The following PXYLP1 variants were observed in gnomAD, a reference collection of about 807,000 sequenced individuals.
The protein encoded by PXYLP1 is 2-phosphoxylose phosphatase 1, also known as acid phosphatase-like 2.
Under a neutral mutation model 37.9 loss-of-function variants are expected in PXYLP1, and 17 were observed. That is an observed-to-expected ratio of 0.45 (90% CI 0.31 to 0.67). PXYLP1 has a LOEUF of 0.67. Ranked by LOEUF, PXYLP1 falls within the 30% of genes least tolerant of loss-of-function variation. The pLI, the probability that PXYLP1 is intolerant of heterozygous loss-of-function variation, is 0.07. For synonymous variants in PXYLP1, 221 were observed against 232.2 expected, an observed-to-expected ratio of 0.95 and a Z score of 0.44; for missense variants, 511 against 612.0, an observed-to-expected ratio of 0.84 and a Z score of 1.74.
intron 1 of PXYLP1, among the ~76,000 whole-genome samples, chr3:141,254,211 C>A (rs190284213): frequency 6.6e-6 from 1 of 152,328 alleles, no homozygotes; most frequent in East Asian, 1.9e-4. Flanking sequence ...CCACGCCCGG[C>A]CCCTCTGGAA....
rs1410707207 is a variant in PXYLP1 at position 141,292,876 on chromosome 3, T to A, written c.1114T>A (p.Phe372Ile). 1.9e-6 allele frequency: 3 copies of A among 1,614,142 alleles called. No homozygotes were observed. In the South Asian group the frequency reaches 3.3e-5, roughly 18 times the overall value. The change falls in exon 6 of 6, where the codon TTT becomes ATT. Residue 372 changes from phenylalanine (F) to isoleucine (I), a missense_variant. Phe to Ile is a conservative substitution (Grantham distance 21). Coordinates refer to ENST00000286353, the MANE Select transcript of PXYLP1 (RefSeq NM_001037172.3). The surrounding 1 kb of genome is among the most constrained non-coding windows in gnomAD (Gnocchi z 4.3). ...RATEGRKEEL[F>I]ALYSAHDVTL... ...CACCGAGGGCAGGAAAGAAGAGCTC[T>A]TTGCCCTCTACTCTGCTCATGATGT... is the stretch of plus-strand genomic sequence containing the variant.
rs773949231 is a variant in PXYLP1 at position 141,287,481 on chromosome 3, G to A, written c.505+28G>A. ...ATGTGTGACCCCCATGCGCTCAGGG[G>A]TTCCCCCACCCGCTCTTCTGCTTGC... On this transcript the variant is annotated intron_variant, in intron 5 of 5. Transcript: ENST00000286353. 1.9e-6 allele frequency: 3 copies of A among 1,605,636 alleles called. No homozygotes were observed. The East Asian group carries it at 6.7e-5, about 36-fold the overall frequency.
intron 5 of PXYLP1, among the ~76,000 whole-genome samples, chr3:141,290,860 G>C (rs1046607024): frequency 6.6e-6 from 1 of 152,144 alleles, no homozygotes; most frequent in Non-Finnish European, 1.5e-5. Context: ...AAATGGGAAA[G>C]GCCTGGCACA....
chr3:141,279,576 C>T, intron 4 of PXYLP1, 72 bp downstream of exon 4: 5 of 1,573,472 alleles, frequency 3.2e-6, no homozygotes, highest in Non-Finnish European at 4.4e-6. Flanking sequence ...ATGACAGGAC[C>T]TACACTTGGT....
Position 141,248,594 on chromosome 3 carries a change from CGT to C in PXYLP1, c.-53-11526_-53-11525del, listed in dbSNP as rs1491198088. On this transcript the variant is annotated intron_variant, in intron 1 of 5. Coordinates refer to ENST00000286353, the MANE Select transcript of PXYLP1 (RefSeq NM_001037172.3). ...ATACACACATGTATATATACACACA[CGT>C]GTATATATACACACGTATATATACA... Among the ~76,000 whole-genome samples the C allele has an allele frequency of 3.9e-5, 3 of 76,964 alleles. 1 individual carries two copies. The highest frequency in any genetic ancestry group is 3.6e-4 in the African/African-American group (2 of 5,598). 50.5% of individuals were successfully genotyped at this position (76,964 alleles called of 152,430 possible). A position where few individuals can be genotyped will look rare whatever the true frequency, so the allele number is the denominator to read the frequency against.
At chr3:141,283,622 T>C (rs766678021) in intron 4 of PXYLP1, among the ~76,000 whole-genome samples, 1 of 152,176 alleles carries the variant, frequency 6.6e-6, no homozygotes, top group Non-Finnish European at 1.5e-5. Flanking sequence ...GCTTATCTTT[T>C]CATAATCTCA....
Position 141,255,619 on chromosome 3 carries a change from G to A in PXYLP1, c.-53-4504G>A, listed in dbSNP as rs560132247. On this transcript the variant is annotated intron_variant, in intron 1 of 5. Coordinates refer to ENST00000286353, the MANE Select transcript of PXYLP1 (RefSeq NM_001037172.3). ...CTCTGGGCTCAGAATCCTGGCTGTC[G>A]CCTGGCATAGCTTGTATGAGTCTCA... 7.9e-5 allele frequency among the ~76,000 whole-genome samples: 12 copies of A among 152,348 alleles called. No homozygotes were observed. In the East Asian group the frequency reaches 2.1e-3, roughly 27 times the overall value.
chr3:141,238,098 A>G (rs1940702929), intron 1 of PXYLP1, among the ~76,000 whole-genome samples: 1 of 152,214 alleles, frequency 6.6e-6, no homozygotes, highest in African/African-American at 2.4e-5. Context: ...TGGTACTATC[A>G]GAGACCCAGT....
chr3:141,249,939 A>G (rs1334056465), intron 1 of PXYLP1, among the ~76,000 whole-genome samples: 3 of 152,216 alleles, frequency 2.0e-5, no homozygotes, highest in Non-Finnish European at 4.4e-5. Flanking sequence ...AGATGCCTTG[A>G]CAAGTTTATC....
chr3:141,291,313 T>G (rs1212753270), intron 5 of PXYLP1, among the ~76,000 whole-genome samples: 1 of 152,194 alleles, frequency 6.6e-6, no homozygotes, highest in Non-Finnish European at 1.5e-5. Flanking sequence ...TGTTTTTGTC[T>G]TGGGTTGCCT....
chr3:141,275,021 C>T lies in PXYLP1; in HGVS notation c.80-3321C>T, dbSNP rs530973046. Reference sequence around the variant, plus strand: ...TCAAGATGGAGCTGGGGAGACTTCTCCTCACAGCTTCTATGTGTCAGGACC... The same window carrying T: ...TCAAGATGGAGCTGGGGAGACTTCTTCTCACAGCTTCTATGTGTCAGGACC... On this transcript the variant is annotated intron_variant, in intron 2 of 5. Coordinates refer to ENST00000286353, the MANE Select transcript of PXYLP1 (RefSeq NM_001037172.3). Among the ~76,000 whole-genome samples, 6 of 152,258 alleles carry T rather than the reference C, an allele frequency of 3.9e-5. No homozygotes were observed. In the East Asian group the frequency reaches 7.7e-4, roughly 20 times the overall value.
chr3:141,285,034 G>T (rs576840105), intron 4 of PXYLP1, among the ~76,000 whole-genome samples: 3 of 152,206 alleles, frequency 2.0e-5, no homozygotes, highest in South Asian at 4.1e-4. Context: ...GGACCAGGCA[G>T]ACAAGGCCTG....
At chr3:141,256,345 A>G (rs1941262180) in intron 1 of PXYLP1, among the ~76,000 whole-genome samples, 1 of 152,202 alleles carries the variant, frequency 6.6e-6, no homozygotes, top group African/African-American at 2.4e-5. Context: ...CACAGAAAAT[A>G]AGCAGCAGAG....
At chr3:141,233,791 G>A (rs2107848474) in intron 1 of PXYLP1, among the ~76,000 whole-genome samples, 1 of 152,312 alleles carries the variant, frequency 6.6e-6, no homozygotes, top group South Asian at 2.1e-4. Context: ...CTATTGATCA[G>A]CTTGAATAGT....
At chr3:141,238,625 A>C (rs1238235504) in intron 1 of PXYLP1, among the ~76,000 whole-genome samples, 5 of 152,152 alleles carry the variant, frequency 3.3e-5, no homozygotes. Flanking sequence ...GGTTAGGAGC[A>C]CTGATTCCCC....
chr3:141,266,030 C>T (rs1941503129), intron 2 of PXYLP1, among the ~76,000 whole-genome samples: 1 of 152,090 alleles, frequency 6.6e-6, no homozygotes, highest in Non-Finnish European at 1.5e-5. Flanking sequence ...TAAGAGTGGA[C>T]CTGAGGGTCT....
chr3:141,242,533 G>A (rs1309102486), intron 1 of PXYLP1, among the ~76,000 whole-genome samples: 4 of 152,172 alleles, frequency 2.6e-5, no homozygotes, highest in Non-Finnish European at 4.4e-5. Flanking sequence ...GATTTCCTTC[G>A]TTCTCCCTCC....
chr3:141,291,576 T>C (rs1238018648), intron 5 of PXYLP1: 5 of 152,246 alleles, frequency 3.3e-5, no homozygotes, highest in Admixed American at 3.3e-4. Context: ...TTCCCTCTCT[T>C]TCTTTTTAAA....
intron 1 of PXYLP1, among the ~76,000 whole-genome samples, chr3:141,250,170 T>C (rs1302946405): frequency 6.6e-6 from 1 of 152,268 alleles, no homozygotes; most frequent in Non-Finnish European, 1.5e-5. Flanking sequence ...GTGGAAGACG[T>C]ACAGTCAGTA....
Sources: gnomAD v4.1 joint callset for allele counts (sites outside exome capture counted in the v4.1 genomes callset) on GRCh38, gnomAD v4.1.1 for gene constraint, Gnocchi (gnomAD v3.1) non-coding constraint, MANE v1.5 for transcripts, NCBI Gene and HGNC (gene_info 2026-07-23, HGNC 2026-07-21) for gene names.